CELF2: variants seen among roughly 807,000 people sequenced by gnomAD.
The protein encoded by CELF2 is CUG triplet repeat RNA-binding protein 2.
Under a neutral mutation model 62.6 loss-of-function variants are expected in CELF2, and 8 were observed. The observed-to-expected ratio is 0.13, with a 90% confidence interval of 0.07 to 0.23. The LOEUF (loss-of-function observed/expected upper bound fraction) is 0.23, where lower values mean the gene tolerates loss of function less well. Among genes scored for constraint, CELF2 ranks in the 10% least tolerant of loss-of-function variants. The probability of loss-of-function intolerance (pLI) is 1.00; values close to 1 mark genes in which losing one functional copy is unlikely to be tolerated. For synonymous variants in CELF2, 258 were observed against 250.0 expected, an observed-to-expected ratio of 1.03 and a Z score of -0.30; for missense variants, 333 against 671.0, an observed-to-expected ratio of 0.50 and a Z score of 5.56.
At chr10:11,149,222 C>T (rs774148806) in intron 1 of CELF2, among the ~76,000 whole-genome samples, 5 of 152,256 alleles carry the variant, frequency 3.3e-5, no homozygotes, top group African/African-American at 4.8e-5. Context: ...AGGTGTGTGC[C>T]GCCACACCCA....
At chr10:10,594,342 G>C in the CELF2 span, among the ~76,000 whole-genome samples, 1 of 152,030 alleles carries the variant, frequency 6.6e-6, no homozygotes, top group Non-Finnish European at 1.5e-5. Context: ...AGGTAAGTTT[G>C]AGATGCCTAT....
chr10:10,769,492 G>A, the CELF2 span, among the ~76,000 whole-genome samples: 1 of 152,178 alleles, frequency 6.6e-6, no homozygotes, highest in African/African-American at 2.4e-5. Context: ...GCCAGGCGTG[G>A]TGGCTCATGC....
intron 1 of CELF2, among the ~76,000 whole-genome samples, chr10:11,028,228 TG>T (rs1218589436): frequency 2.6e-5 from 4 of 152,138 alleles, no homozygotes; most frequent in African/African-American, 9.7e-5. Flanking sequence ...CTTTCCATTC[TG>T]GGATGGGGGG....
chr10:11,270,636 C>G lies in CELF2; in HGVS notation c.619-30C>G. The G allele has an allele frequency of 7.1e-7, 1 of 1,404,148 alleles. No individual in the cohort carries two copies. The highest frequency in any genetic ancestry group is 9.4e-7 in the Non-Finnish European group (1 of 1,066,502). The allele number at this position is 1,404,148 out of a possible 1,614,324, so 87.0% of individuals were successfully genotyped here. On this transcript the variant is annotated intron_variant, in intron 6 of 12. Coordinates refer to ENST00000633077, the MANE Select transcript of CELF2 (RefSeq NM_001326342.2). This position sits in a 1 kb window ranked among gnomAD's most constrained non-coding sequence, Gnocchi z 5.8. ...GCGGATTCCGCCAGCCTGTAACCCCCTCTCCACTTTCCAATGTGTCTGACC... is the reference window on the plus strand; with the variant it reads ...GCGGATTCCGCCAGCCTGTAACCCCGTCTCCACTTTCCAATGTGTCTGACC...
chr10:10,979,158 G>A (rs1385885537), intron 2 of CELF2, among the ~76,000 whole-genome samples: 1 of 152,138 alleles, frequency 6.6e-6, no homozygotes, highest in Non-Finnish European at 1.5e-5. Flanking sequence ...AAGGAAAGAG[G>A]AAGGGTAACT....
At chr10:11,061,854 C>T (rs2066817082) in intron 1 of CELF2, among the ~76,000 whole-genome samples, 1 of 152,206 alleles carries the variant, frequency 6.6e-6, no homozygotes, top group African/African-American at 2.4e-5. Context: ...GCTCTGTCAC[C>T]TAGGCTGGAG....
chr10:10,850,163 TA>T (rs1241654891), intron 1 of CELF2, among the ~76,000 whole-genome samples: 4 of 151,784 alleles, frequency 2.6e-5, no homozygotes, highest in South Asian at 4.2e-4. Context: ...ATAAAAAAAT[TA>T]AAAAATTGGC....
chr10:10,653,720 G>A, the CELF2 span, among the ~76,000 whole-genome samples: 1 of 147,740 alleles, frequency 6.8e-6, no homozygotes, highest in Non-Finnish European at 1.5e-5. Context: ...TCAAAGCAGT[G>A]TGTAGAGGGA....
At chr10:10,637,775 A>G in the CELF2 span, among the ~76,000 whole-genome samples, 2 of 152,138 alleles carry the variant, frequency 1.3e-5, no homozygotes, top group Non-Finnish European at 2.9e-5. Context: ...GTTAACATGA[A>G]TCAAGCATTG....
intron 2 of CELF2, among the ~76,000 whole-genome samples, chr10:10,930,466 T>A (rs2065948412): frequency 6.6e-6 from 1 of 152,214 alleles, no homozygotes. Context: ...TAAAAATTCT[T>A]AAAAGCACAT....
chr10:10,941,969 G>A lies in CELF2; in HGVS notation c.89+21970G>A, dbSNP rs983066543. ...AGATCACAGCACTTCACTCCAGCCTGGGTGACAGTGAGACTCTGTCTCAAA... is the reference window on the plus strand; with the variant it reads ...AGATCACAGCACTTCACTCCAGCCTAGGTGACAGTGAGACTCTGTCTCAAA... On this transcript the variant is annotated intron_variant, in intron 2 of 13. Coordinates refer to the CELF2 transcript ENST00000636488. Among the ~76,000 whole-genome samples, 9 of 143,338 alleles carry A rather than the reference G, an allele frequency of 6.3e-5. No homozygotes were observed. In the South Asian group the frequency reaches 2.1e-3, roughly 33 times the overall value. 94.0% of individuals were successfully genotyped at this position (143,338 alleles called of 152,430 possible).
At chr10:10,848,371 C>T (rs963372694) in intron 1 of CELF2, among the ~76,000 whole-genome samples, 1 of 152,132 alleles carries the variant, frequency 6.6e-6, no homozygotes, top group African/African-American at 2.4e-5. Flanking sequence ...CCTTGAATAT[C>T]GGGGTGGCAT....
intron 2 of CELF2, among the ~76,000 whole-genome samples, chr10:11,204,610 T>A (rs1031640561): frequency 6.6e-5 from 10 of 152,194 alleles, no homozygotes; most frequent in African/African-American, 2.2e-4. Flanking sequence ...GCTGCATTCC[T>A]TAGGAGAACA....
the CELF2 span, among the ~76,000 whole-genome samples, chr10:10,748,887 G>T: frequency 6.6e-6 from 1 of 152,278 alleles, no homozygotes; most frequent in East Asian, 1.9e-4. Flanking sequence ...ACAGATGTGG[G>T]TGAATTGGAA....
At position 11,012,625 on chromosome 10, in the gene CELF2, T is replaced by C. The variant is rs2056652590; in HGVS notation, c.53+7185T>C. ...CTGTTGCTGTTCAGCTGTTGTAGTCTGTCAAGCGGTAATGTCTCCTTTTTC... is the reference window on the plus strand; with the variant it reads ...CTGTTGCTGTTCAGCTGTTGTAGTCCGTCAAGCGGTAATGTCTCCTTTTTC... On this transcript the variant is annotated intron_variant, in intron 1 of 12. Transcript: ENST00000416382. This position sits in a 1 kb window ranked among gnomAD's most constrained non-coding sequence, Gnocchi z 5.5. Among the ~76,000 whole-genome samples the C allele has an allele frequency of 6.6e-6, 1 of 152,204 alleles. No homozygotes were observed. Among genetic ancestry groups the C allele is most frequent in the South Asian group, 2.1e-4 (1 of 4,834 alleles).
intron 1 of CELF2, among the ~76,000 whole-genome samples, chr10:11,019,060 T>A (rs2057854729): frequency 6.6e-6 from 1 of 152,188 alleles, no homozygotes. Context: ...GAGCGTTTAT[T>A]GGAAAGAAGT....
the CELF2 span, among the ~76,000 whole-genome samples, chr10:10,653,206 G>T: frequency 6.6e-6 from 1 of 152,154 alleles, no homozygotes; most frequent in Admixed American, 6.5e-5. Flanking sequence ...GGGGAACCAA[G>T]ATTCATAAAG....
At chr10:10,489,187 A>C in the CELF2 span, among the ~76,000 whole-genome samples, 2 of 152,060 alleles carry the variant, frequency 1.3e-5, no homozygotes, top group East Asian at 3.8e-4. Context: ...CACCCTACAG[A>C]ACTTAATACT....
chr10:11,270,667 G>T lies in CELF2; in HGVS notation c.620G>T (p.Gly207Val). 1 of 1,469,308 alleles carries T rather than the reference G, an allele frequency of 6.8e-7. No individual in the cohort carries two copies. The highest frequency in any genetic ancestry group is 9.1e-7 in the Non-Finnish European group (1 of 1,101,138). 91.0% of individuals were successfully genotyped at this position (1,469,308 alleles called of 1,614,324 possible). ...KAMHQSQTME[G>V]CSSPIVVKFA... ...ACTTTCCAATGTGTCTGACCACAGG[G>T]CTGCTCTTCACCTATCGTGGTGAAG... The change falls in exon 7 of 13, where the codon GGC (glycine) becomes GTC (valine). Residue 207 changes from glycine to valine, a missense_variant and splice_region_variant. Gly to Val is a moderately radical substitution (Grantham distance 109). This residue lies in a region of CELF2 where 253 missense variants were observed against 503.0 expected (regional missense o/e 0.50). Coordinates refer to ENST00000633077, the MANE Select transcript of CELF2 (RefSeq NM_001326342.2). The surrounding 1 kb of genome is among the most constrained non-coding windows in gnomAD (Gnocchi z 5.8).
Sources: gnomAD v4.1 joint callset for allele counts (sites outside exome capture counted in the v4.1 genomes callset) on GRCh38, gnomAD v4.1.1 for gene constraint, gnomAD v4.1.1 regional missense constraint, Gnocchi (gnomAD v3.1) non-coding constraint, MANE v1.5 for transcripts, NCBI Gene and HGNC (gene_info 2026-07-23, HGNC 2026-07-21) for gene names.